The following ATP10A variants were observed in gnomAD, a reference collection of about 807,000 sequenced individuals.
ATP10A encodes phospholipid-transporting ATPase VA.
A neutral mutation model predicts 147.8 loss-of-function variants in ATP10A; 111 were observed. That is an observed-to-expected ratio of 0.75 (90% CI 0.64 to 0.88). The LOEUF (loss-of-function observed/expected upper bound fraction) is 0.88, where lower values mean the gene tolerates loss of function less well. Among genes scored for constraint, ATP10A ranks in the 40% least tolerant of loss-of-function variants. The pLI is 0.00. For missense variants in ATP10A, 1,927 were observed against 1,959.0 expected, an observed-to-expected ratio of 0.98 and a Z score of 0.31; for synonymous variants, 875 against 841.6, an observed-to-expected ratio of 1.04 and a Z score of -0.69.
At chr15:25,697,465 T>G (rs1900402188) in intron 13 of ATP10A, among the ~76,000 whole-genome samples, 1 of 152,134 alleles carries the variant, frequency 6.6e-6, no homozygotes, top group Admixed American at 6.6e-5. Flanking sequence ...GAAGCCAATG[T>G]CAAGATGACA....
chr15:25,776,969 T>A (rs1398797012), intron 2 of ATP10A, among the ~76,000 whole-genome samples: 1 of 152,108 alleles, frequency 6.6e-6, no homozygotes. Context: ...AAAAGCCCCC[T>A]GGACTCATCT....
intron 2 of ATP10A, among the ~76,000 whole-genome samples, chr15:25,748,385 C>T (rs992933128): frequency 6.6e-6 from 1 of 151,746 alleles, no homozygotes; most frequent in African/African-American, 2.4e-5. Flanking sequence ...GATACATTAA[C>T]ACAAAAAGAG....
chr15:25,694,883 A>T lies in ATP10A; in HGVS notation c.3024T>A (p.Pro1008=). 1 of 1,614,170 alleles carries T rather than the reference A, an allele frequency of 6.2e-7. No individual in the cohort carries two copies. The highest frequency in any genetic ancestry group is 8.5e-7 in the Non-Finnish European group (1 of 1,180,042). ...CRSVLCCRST[P]LQKSMVVKLV... ...GCTTCACCACCATGCTCTTCTGCAG[A>T]GGCGTCGACCGACAGCAGAGGACGG... The change falls in exon 14 of 21, where the codon CCT becomes CCA. Residue 1008 remains proline (P), a synonymous_variant. Transcript: ENST00000555815.
At chr15:25,755,604 C>G (rs566094111) in intron 2 of ATP10A, among the ~76,000 whole-genome samples, 1 of 152,252 alleles carries the variant, frequency 6.6e-6, no homozygotes, top group African/African-American at 2.4e-5. Context: ...AGAAAAGGGG[C>G]TGTCTCAAAG....
chr15:25,847,194 A>T (rs1893059000), intron 1 of ATP10A, among the ~76,000 whole-genome samples: 1 of 149,692 alleles, frequency 6.7e-6, no homozygotes, highest in Non-Finnish European at 1.5e-5. Flanking sequence ...CAAAGATCAA[A>T]GGGACACAGG....
intron 1 of ATP10A, among the ~76,000 whole-genome samples, chr15:25,831,256 C>T (rs915729959): frequency 6.6e-6 from 1 of 152,232 alleles, no homozygotes; most frequent in South Asian, 2.1e-4. Context: ...ATGAGATTCT[C>T]TCCCCGCTGC....
intron 2 of ATP10A, among the ~76,000 whole-genome samples, chr15:25,751,211 T>A (rs903024482): frequency 6.6e-6 from 1 of 152,112 alleles, no homozygotes; most frequent in African/African-American, 2.4e-5. Context: ...CAGAGAATAT[T>A]GCCAGGGATT....
chr15:25,782,777 G>T (rs943903220), intron 1 of ATP10A, among the ~76,000 whole-genome samples: 1 of 152,090 alleles, frequency 6.6e-6, no homozygotes, highest in Non-Finnish European at 1.5e-5. Flanking sequence ...CCTTGAAGGC[G>T]GTTTTGGCCA....
intron 10 of ATP10A, among the ~76,000 whole-genome samples, chr15:25,712,301 T>TA (rs1282793767): frequency 6.6e-6 from 1 of 152,292 alleles, no homozygotes; most frequent in East Asian, 1.9e-4. Context: ...TTTACTCATG[T>TA]AAAAAAATAT....
At chr15:25,673,396 G>C (rs1264327803), downstream of ATP10A, among the ~76,000 whole-genome samples, 1 of 152,220 alleles carries the variant, frequency 6.6e-6, no homozygotes, top group Admixed American at 6.5e-5. Flanking sequence ...GCAGCCAATG[G>C]CTTTCAGCTA....
At position 25,724,386 on chromosome 15, in the gene ATP10A, A is replaced by G. The variant is rs1596762199; in HGVS notation, c.980-365T>C. The stretch of plus-strand genomic sequence containing the variant: ...CTGTCTCATGAAATGCGCAGCAAAA[A>G]AACAGTCAGTAGGCTCAGACACTGC... On this transcript the variant is annotated intron_variant, in intron 5 of 20. Coordinates refer to ENST00000555815, the MANE Select transcript of ATP10A (RefSeq NM_024490.4). Among the ~76,000 whole-genome samples the G allele has an allele frequency of 2.0e-5, 3 of 152,356 alleles. No individual in the cohort carries two copies. The East Asian group carries it at 5.8e-4, about 29-fold the overall frequency.
At position 25,680,206 on chromosome 15, in the gene ATP10A, G is replaced by A. The variant is rs749710242; in HGVS notation, c.3781C>T (p.Pro1261Ser). ...SCATCYPPSN[P>S]YWTMQALLGD... ...AGTAAGGCTTGCATAGTCCAGTAAG[G>A]GTTGGACGGAGGATAGCACGTGGCA... Residue 1261 changes from proline (P) to serine (S), a missense_variant, in exon 20 of 21, where the codon CCT becomes TCT. Coordinates refer to ENST00000555815, the MANE Select transcript of ATP10A (RefSeq NM_024490.4). The A allele has an allele frequency of 2.5e-6, 4 of 1,613,974 alleles. No homozygotes were observed. Among genetic ancestry groups the A allele is most frequent in the Middle Eastern group, 1.6e-4 (1 of 6,080 alleles).
chr15:25,744,239 A>G (rs955623168), intron 2 of ATP10A, among the ~76,000 whole-genome samples: 2 of 152,116 alleles, frequency 1.3e-5, no homozygotes, highest in African/African-American at 2.4e-5. Context: ...GCCCAGAAAA[A>G]TCTCAATGTG....
rs1308893295 is a variant in ATP10A at position 25,701,981 on chromosome 15, T to C, written c.2695A>G (p.Ile899Val). Reference sequence around the variant, plus strand: ...TCCAGCAGTTTGCAGGCATATGCAATGTTGACAGCTGTTTCTTGTTTGTCA... The same window carrying C: ...TCCAGCAGTTTGCAGGCATATGCAACGTTGACAGCTGTTTCTTGTTTGTCA... ...TGDKQETAVN[I>V]AYACKLLDHD... Residue 899 changes from isoleucine to valine, a missense_variant, in exon 13 of 21, where the codon ATT (isoleucine) becomes GTT (valine). Coordinates refer to ENST00000555815, the MANE Select transcript of ATP10A (RefSeq NM_024490.4). The C allele has an allele frequency of 5.0e-6, 8 of 1,613,992 alleles. No individual in the cohort carries two copies.
Position 25,718,348 on chromosome 15 carries a change from A to T in ATP10A, c.1415T>A (p.Val472Glu). 6.2e-7 allele frequency: 1 copy of T among 1,609,956 alleles called. No homozygotes were observed. The highest frequency in any genetic ancestry group is 8.5e-7 in the Non-Finnish European group (1 of 1,179,456). The change falls in exon 8 of 21, where the codon GTG becomes GAG. Residue 472 changes from valine to glutamate, a missense_variant. Transcript: ENST00000555815. ...CTGGGACACCGAGCCCCCTCTGGGC[A>T]CCACCTCCTCCTCCTCCGAGTCTGC... ...QEADSEEEEV[V>E]PRGGSVSQRG...
At chr15:25,843,106 C>T (rs1483586439) in intron 1 of ATP10A, among the ~76,000 whole-genome samples, 1 of 152,118 alleles carries the variant, frequency 6.6e-6, no homozygotes, top group Non-Finnish European at 1.5e-5. Flanking sequence ...CAGGAGGTGC[C>T]AACAGTTGGC....
intron 2 of ATP10A, among the ~76,000 whole-genome samples, chr15:25,757,870 G>GCTCCACCCTAACTCATTCCC (rs1888515888): frequency 9.1e-6 from 1 of 109,614 alleles, no homozygotes; most frequent in Non-Finnish European, 1.8e-5. Flanking sequence ...AACTCATTCC[G>GCTCCACCCTAACTCATTCCC]ACCACCTGCT....
At chr15:25,773,894 C>T (rs184202629) in intron 2 of ATP10A, among the ~76,000 whole-genome samples, 2 of 151,978 alleles carry the variant, frequency 1.3e-5, no homozygotes, top group South Asian at 2.1e-4. Context: ...TTAACTGCGT[C>T]GATCTCACAT....
intron 16 of ATP10A, among the ~76,000 whole-genome samples, chr15:25,686,040 C>T (rs984860350): frequency 1.3e-5 from 2 of 152,002 alleles, no homozygotes; most frequent in African/African-American, 2.4e-5. Flanking sequence ...AGGTATGAGC[C>T]GGCAAGCCCA....
Sources: gnomAD v4.1 joint callset for allele counts (sites outside exome capture counted in the v4.1 genomes callset) on GRCh38, gnomAD v4.1.1 for gene constraint, MANE v1.5 for transcripts, NCBI Gene and HGNC (gene_info 2026-07-23, HGNC 2026-07-21) for gene names.